Variants in CPA6 observed in about 807,000 individuals in gnomAD.
CPA6 encodes carboxypeptidase B.
Under a neutral mutation model 63.3 loss-of-function variants are expected in CPA6, and 58 were observed. The observed-to-expected ratio is 0.92, with a 90% CI of 0.74 to 1.14. The LOEUF is 1.14. Ranked by LOEUF, CPA6 falls within the 50% of genes most tolerant of loss-of-function variation. The probability of loss-of-function intolerance (pLI) is 0.00; values close to 1 mark genes in which losing one functional copy is unlikely to be tolerated. For synonymous variants in CPA6, 185 were observed against 179.0 expected, an observed-to-expected ratio of 1.03 and a Z score of -0.27; for missense variants, 565 against 526.6, an observed-to-expected ratio of 1.07 and a Z score of -0.71.
In CPA6 at chr8:67,545,856, C is replaced by T. The variant is rs186698806; in HGVS notation, c.193-27809G>A. Among the ~76,000 whole-genome samples the T allele has an allele frequency of 4.7e-4, 71 of 152,260 alleles. 1 individual carries two copies. In the East Asian group the frequency reaches 0.013, roughly 28 times the overall value. On this transcript the variant is annotated intron_variant, in intron 2 of 10. Coordinates refer to ENST00000297770, the MANE Select transcript of CPA6 (RefSeq NM_020361.5). ...GGGATTACAGGCGTGAACTACCTCG[C>T]CTGGCCTACTGTTATCTTTCTAAAA... is the stretch of plus-strand genomic sequence containing the variant.
At chr8:67,538,700 C>A (rs1487875648) in intron 2 of CPA6, among the ~76,000 whole-genome samples, 2 of 151,944 alleles carry the variant, frequency 1.3e-5, no homozygotes, top group African/African-American at 4.8e-5. Context: ...TGCTCTGTTG[C>A]CGAGGCTGGA....
intron 10 of CPA6, 28 bp from the exon 11 acceptor site, chr8:67,422,719 T>C (rs1181596139): frequency 2.0e-6 from 3 of 1,521,966 alleles, no homozygotes; most frequent in South Asian, 1.2e-5. Flanking sequence ...AAAAAAAAGA[T>C]CAGCCTCACT....
chr8:67,592,496 G>A (rs931644619), intron 2 of CPA6, among the ~76,000 whole-genome samples: 25 of 151,566 alleles, frequency 1.6e-4, no homozygotes, highest in African/African-American at 1.7e-4. Context: ...GGTAGAATTC[G>A]GCTGTGAATC....
Position 67,490,229 on chromosome 8 carries a change from C to T in CPA6, c.637-5440G>A, listed in dbSNP as rs114379500. Among the ~76,000 whole-genome samples, 421 of 152,198 alleles carry T rather than the reference C, an allele frequency of 2.8e-3. 6 individuals are homozygous for T. The highest frequency in any genetic ancestry group is 9.3e-3 in the African/African-American group (386 of 41,520). ...ACGTAACCATGTGTCTTTCTATTTC[C>T]TGTTATTCTAACATATGATAAACAT... On this transcript the variant is annotated intron_variant, in intron 6 of 10. Transcript: ENST00000297770.
At chr8:67,488,457 C>G (rs189504722) in intron 6 of CPA6, among the ~76,000 whole-genome samples, 1 of 152,250 alleles carries the variant, frequency 6.6e-6, no homozygotes, top group African/African-American at 2.4e-5. Context: ...TTACTGTAGC[C>G]TTGTAGTACA....
At chr8:67,468,766 G>A (rs918680029) in intron 8 of CPA6, among the ~76,000 whole-genome samples, 6 of 152,048 alleles carry the variant, frequency 3.9e-5, no homozygotes, top group Admixed American at 6.6e-5. Flanking sequence ...ACAGCTCAGC[G>A]TGGCATGGAA....
chr8:67,453,247 T>C (rs1290469054), intron 8 of CPA6, among the ~76,000 whole-genome samples: 1 of 152,056 alleles, frequency 6.6e-6, no homozygotes, highest in East Asian at 1.9e-4. Context: ...AGGGTTGGAA[T>C]CTGGAGCGAT....
At chr8:67,603,489 A>T (rs1001629927) in intron 2 of CPA6, among the ~76,000 whole-genome samples, 2 of 152,192 alleles carry the variant, frequency 1.3e-5, no homozygotes, top group African/African-American at 2.4e-5. Flanking sequence ...GGAAGACAGG[A>T]TCTATATGTT....
chr8:67,601,865 T>C (rs773507090), intron 2 of CPA6, among the ~76,000 whole-genome samples: 4 of 152,200 alleles, frequency 2.6e-5, no homozygotes, highest in Non-Finnish European at 5.9e-5. Flanking sequence ...CAAAAAATTC[T>C]ATTTCTGAGA....
chr8:67,658,826 A>G (rs951856402), intron 1 of CPA6, among the ~76,000 whole-genome samples: 4 of 151,928 alleles, frequency 2.6e-5, no homozygotes, highest in African/African-American at 7.3e-5. Flanking sequence ...CCATCACCAA[A>G]TCTAGGACAT....
chr8:67,496,877 A>G (rs1407130691), intron 6 of CPA6, among the ~76,000 whole-genome samples: 1 of 151,966 alleles, frequency 6.6e-6, no homozygotes, highest in Non-Finnish European at 1.5e-5. Context: ...TCATTATCCA[A>G]AAAAGAAGCC....
intron 1 of CPA6, among the ~76,000 whole-genome samples, chr8:67,681,176 T>TCAACC (rs1816583738): frequency 6.7e-6 from 1 of 149,778 alleles, no homozygotes. Context: ...AAATCTTTGC[T>TCAACC]CAACCCAAGG....
At chr8:67,739,852 T>C (rs552755828) in intron 1 of CPA6, among the ~76,000 whole-genome samples, 3 of 152,172 alleles carry the variant, frequency 2.0e-5, no homozygotes, top group Non-Finnish European at 4.4e-5. Flanking sequence ...CTCATCAATA[T>C]GAGAAAGGAC....
chr8:67,448,107 T>A (rs1242863582), intron 8 of CPA6, among the ~76,000 whole-genome samples: 1 of 152,208 alleles, frequency 6.6e-6, no homozygotes, highest in Non-Finnish European at 1.5e-5. Flanking sequence ...TTACTGGAAG[T>A]GTGCTTGTGT....
At chr8:67,502,811 C>G (rs1466532272) in intron 6 of CPA6, among the ~76,000 whole-genome samples, 2 of 152,090 alleles carry the variant, frequency 1.3e-5, no homozygotes, top group Non-Finnish European at 2.9e-5. Context: ...CTATCAATTA[C>G]TAGTTTGATT....
intron 1 of CPA6, among the ~76,000 whole-genome samples, chr8:67,740,713 G>T (rs935336034): frequency 6.6e-6 from 1 of 152,030 alleles, no homozygotes; most frequent in Admixed American, 6.6e-5. Context: ...GGGACTACAG[G>T]TGCATGCTAC....
At chr8:67,657,214 T>C (rs187649808) in intron 1 of CPA6, among the ~76,000 whole-genome samples, 18 of 152,194 alleles carry the variant, frequency 1.2e-4, no homozygotes, top group Admixed American at 7.2e-4. Context: ...CAGAAAGAAA[T>C]AGTGATAAAA....
chr8:67,621,682 G>A (rs190287502), intron 2 of CPA6, among the ~76,000 whole-genome samples: 19 of 152,310 alleles, frequency 1.2e-4, no homozygotes, highest in African/African-American at 4.3e-4. Context: ...AGAGGAGCTG[G>A]ATGTGACTGT....
chr8:67,449,241 G>T (rs1181489475), intron 8 of CPA6, among the ~76,000 whole-genome samples: 1 of 152,142 alleles, frequency 6.6e-6, no homozygotes, highest in Admixed American at 6.5e-5. Flanking sequence ...GACACAGCGA[G>T]ACTGTCTCAA....
Sources: allele counts gnomAD v4.1 joint callset (sites outside exome capture counted in the v4.1 genomes callset), GRCh38; gene constraint gnomAD v4.1.1; transcripts MANE v1.5; gene names NCBI Gene and HGNC (gene_info 2026-07-23, HGNC 2026-07-21).